CDH12: variants seen among roughly 807,000 people sequenced by gnomAD.
CDH12 encodes cadherin-12.
Under a neutral mutation model 74.1 loss-of-function variants are expected in CDH12, and 41 were observed. The ratio of observed to expected loss-of-function variants is 0.55; its 90% CI spans 0.43 to 0.72. The LOEUF is 0.72. CDH12 is among the 30% of genes least tolerant of loss of function. The probability of loss-of-function intolerance (pLI) is 0.00; values close to 1 mark genes in which losing one functional copy is unlikely to be tolerated. For synonymous variants in CDH12, 399 were observed against 355.0 expected, an observed-to-expected ratio of 1.12 and a Z score of -1.39; for missense variants, 945 against 977.2, an observed-to-expected ratio of 0.97 and a Z score of 0.44.
rs1474952694 is a variant in CDH12, at chr5:22,204,684, A to G, written c.-187+7814T>C. Among the ~76,000 whole-genome samples, 11 of 152,210 alleles carry G rather than the reference A, an allele frequency of 7.2e-5. No individual in the cohort carries two copies. The East Asian group carries it at 2.1e-3, about 29-fold the overall frequency. On this transcript the variant is annotated intron_variant, in intron 4 of 14. Transcript: ENST00000382254. ...ATTCACCACTCCATTGTCATGTTCT[A>G]TCAAACTAATGTGGTGCTGGAGGGT... is the stretch of plus-strand genomic sequence containing the variant.
At chr5:21,908,127 T>G (rs1307220484) in intron 6 of CDH12, among the ~76,000 whole-genome samples, 1 of 152,196 alleles carries the variant, frequency 6.6e-6, no homozygotes, top group Non-Finnish European at 1.5e-5. Flanking sequence ...GCTTCTCAGT[T>G]ATTTTACTGA....
intron 7 of CDH12, among the ~76,000 whole-genome samples, chr5:21,853,972 G>A (rs575842653): frequency 6.6e-6 from 1 of 151,746 alleles, no homozygotes; most frequent in Non-Finnish European, 1.5e-5. Context: ...TGAAGTGGTC[G>A]AGTCTTCTTA....
At chr5:22,614,104 A>T (rs542664309) in intron 1 of CDH12, among the ~76,000 whole-genome samples, 18 of 152,258 alleles carry the variant, frequency 1.2e-4, no homozygotes, top group Admixed American at 7.2e-4. Context: ...TATAAAATAT[A>T]GAGCAAGAGT....
chr5:22,407,718 A>G (rs1478686175), intron 2 of CDH12, among the ~76,000 whole-genome samples: 2 of 152,090 alleles, frequency 1.3e-5, no homozygotes, highest in Non-Finnish European at 2.9e-5. Context: ...TGCAAAAACC[A>G]CTAGTTTGCT....
intron 1 of CDH12, among the ~76,000 whole-genome samples, chr5:22,661,795 C>A (rs139345804): frequency 3.9e-5 from 6 of 152,072 alleles, no homozygotes; most frequent in Non-Finnish European, 5.9e-5. Context: ...GATTCGTAGA[C>A]TCTTAGGACA....
At chr5:22,224,399 G>A (rs1752123243) in intron 3 of CDH12, among the ~76,000 whole-genome samples, 1 of 150,046 alleles carries the variant, frequency 6.7e-6, no homozygotes, top group African/African-American at 2.5e-5. Flanking sequence ...AAAGAATCAG[G>A]TGCATCCTGC....
chr5:22,421,148 T>A (rs1030226264), intron 2 of CDH12, among the ~76,000 whole-genome samples: 1 of 152,206 alleles, frequency 6.6e-6, no homozygotes. Flanking sequence ...CAGAGACAGT[T>A]TGACTTCCTC....
intron 4 of CDH12, among the ~76,000 whole-genome samples, chr5:22,189,928 C>G (rs1444458710): frequency 1.3e-5 from 2 of 152,012 alleles, no homozygotes; most frequent in East Asian, 3.9e-4. Context: ...GTTTGCTTCA[C>G]AGCTGGTGAA....
chr5:21,940,282 G>A (rs1375965959), intron 6 of CDH12, among the ~76,000 whole-genome samples: 1 of 152,124 alleles, frequency 6.6e-6, no homozygotes, highest in African/African-American at 2.4e-5. Flanking sequence ...CTGAAAGCAA[G>A]TCTCAAATGC....
chr5:22,420,230 C>G (rs10941951), intron 2 of CDH12, among the ~76,000 whole-genome samples: 41,327 of 151,878 alleles, frequency 0.27, 5,673 homozygotes, highest in East Asian at 0.34. Context: ...TTGACGTTTT[C>G]TTCATGAAAT....
chr5:22,675,339 G>A (rs1228984225), intron 1 of CDH12, among the ~76,000 whole-genome samples: 1 of 152,298 alleles, frequency 6.6e-6, no homozygotes, highest in East Asian at 1.9e-4. Flanking sequence ...GTGGTGTTGA[G>A]CCTGTGGGTG....
At chr5:21,771,623 T>C (rs1356748499) in intron 11 of CDH12, among the ~76,000 whole-genome samples, 1 of 152,038 alleles carries the variant, frequency 6.6e-6, no homozygotes, top group South Asian at 2.1e-4. Context: ...GCTCTTATTA[T>C]ATAGATGAAG....
intron 1 of CDH12, among the ~76,000 whole-genome samples, chr5:22,747,460 CAAA>C (rs773289338): frequency 1.7e-5 from 1 of 60,510 alleles, no homozygotes; most frequent in Non-Finnish European, 3.7e-5. Context: ...CCTGTCTGTA[CAAA>C]AAAAAAAAAA....
chr5:22,390,312 A>G (rs1742185732), intron 3 of CDH12, among the ~76,000 whole-genome samples: 1 of 152,212 alleles, frequency 6.6e-6, no homozygotes, highest in African/African-American at 2.4e-5. Context: ...TTGTTTAAAT[A>G]ACAAGTAACT....
chr5:22,241,220 A>G (rs975640544), intron 3 of CDH12, among the ~76,000 whole-genome samples: 1 of 152,042 alleles, frequency 6.6e-6, no homozygotes, highest in African/African-American at 2.4e-5. Flanking sequence ...TTTAATATTT[A>G]TGACATATAA....
At chr5:22,529,184 T>TAG (rs1291298025) in intron 1 of CDH12, among the ~76,000 whole-genome samples, 864 of 83,466 alleles carry the variant, frequency 0.01, 1 homozygote, top group South Asian at 0.017. Context: ...TATATATATA[T>TAG]ATATAGAGAG....
At chr5:22,311,373 A>G (rs966933424) in intron 3 of CDH12, among the ~76,000 whole-genome samples, 17 of 152,166 alleles carry the variant, frequency 1.1e-4, no homozygotes, top group Non-Finnish European at 2.4e-4. Context: ...GAACATAAAG[A>G]TAATGAGTAA....
intron 3 of CDH12, among the ~76,000 whole-genome samples, chr5:22,296,915 A>G (rs531036230): frequency 1.3e-5 from 2 of 152,316 alleles, no homozygotes; most frequent in Admixed American, 1.3e-4. Flanking sequence ...TCTTTAGGAA[A>G]GCATACAAGA....
At chr5:22,444,312 T>A (rs1297169736) in intron 2 of CDH12, among the ~76,000 whole-genome samples, 2 of 152,026 alleles carry the variant, frequency 1.3e-5, no homozygotes, top group Non-Finnish European at 2.9e-5. Flanking sequence ...TTCCATGGAG[T>A]TAAAACATTA....
Sources: allele counts gnomAD v4.1 joint callset (sites outside exome capture counted in the v4.1 genomes callset), GRCh38; gene constraint gnomAD v4.1.1; transcripts MANE v1.5; gene names NCBI Gene and HGNC (gene_info 2026-07-23, HGNC 2026-07-21).